ZNF148: variants seen among roughly 807,000 people sequenced by gnomAD.
ZNF148 encodes Beta-Enolase Repressor Factor-1.
A neutral mutation model predicts 67.7 loss-of-function variants in ZNF148; 7 were observed. That is an observed-to-expected ratio of 0.10 (90% confidence interval 0.06 to 0.19). ZNF148 has a LOEUF of 0.19. ZNF148 is among the 10% of genes least tolerant of loss of function. The pLI is 1.00. For missense variants in ZNF148, 583 were observed against 947.1 expected (o/e 0.62, Z 5.05); for synonymous variants, 333 against 330.7 (o/e 1.01, Z -0.08).
chr3:125,306,884 CCCTT>C (rs1179202479), intron 4 of ZNF148, among the ~76,000 whole-genome samples: 1 of 151,966 alleles, frequency 6.6e-6, no homozygotes, highest in Non-Finnish European at 1.5e-5. Context: ...CAACAAAAAA[CCCTT>C]CCCACAAAGA....
chr3:125,308,863 G>A (rs1455814981), intron 4 of ZNF148, among the ~76,000 whole-genome samples: 3 of 152,110 alleles, frequency 2.0e-5, no homozygotes, highest in African/African-American at 4.8e-5. Flanking sequence ...ACAAAAAGGA[G>A]GATGAATAAA....
rs1457773076 is a variant in ZNF148 at position 125,232,927 on chromosome 3, T to C, written c.1799A>G (p.Asn600Ser). The C allele has an allele frequency of 9.9e-6, 16 of 1,613,738 alleles. No homozygotes were observed. The highest frequency in any genetic ancestry group is 1.3e-5 in the Non-Finnish European group (15 of 1,179,818). Reference protein sequence around the residue: ...SSQASSSDKANMLQEYSKFLQ... With the variant: ...SSQASSSDKASMLQEYSKFLQ... ...AAACTTGGAGTATTCCTGCAACATG[T>C]TGGCTTTATCTGATGAGGATGCTTG... is the stretch of plus-strand genomic sequence containing the variant. The change falls in exon 9 of 9, where the codon AAC becomes AGC. Residue 600 changes from asparagine to serine, a missense_variant. Transcript: ENST00000360647. This position sits in a 1 kb window ranked among gnomAD's most constrained non-coding sequence, Gnocchi z 4.2.
intron 1 of ZNF148, among the ~76,000 whole-genome samples, chr3:125,358,566 A>G (rs74909928): frequency 0.035 from 5,389 of 152,296 alleles, 145 homozygotes; most frequent in South Asian, 0.085. Flanking sequence ...CCCTATGGCT[A>G]CAGAAAAATC....
At chr3:125,364,530 T>A (rs1942644807) in intron 1 of ZNF148, among the ~76,000 whole-genome samples, 1 of 152,148 alleles carries the variant, frequency 6.6e-6, no homozygotes, top group Admixed American at 6.5e-5. Context: ...AAACATAACA[T>A]GGATAAAACT....
chr3:125,358,479 C>T (rs1356165714), intron 1 of ZNF148, among the ~76,000 whole-genome samples: 1 of 152,172 alleles, frequency 6.6e-6, no homozygotes, highest in Non-Finnish European at 1.5e-5. Context: ...GTTCTCATTT[C>T]CTCAAAGCTA....
chr3:125,369,724 A>C (rs548036439), intron 1 of ZNF148, among the ~76,000 whole-genome samples: 4 of 152,262 alleles, frequency 2.6e-5, no homozygotes, highest in African/African-American at 9.6e-5. Flanking sequence ...AAGAATGTAA[A>C]TACTACTTTG....
intron 7 of ZNF148, among the ~76,000 whole-genome samples, chr3:125,242,004 C>T (rs574936168): frequency 3.3e-5 from 5 of 152,120 alleles, no homozygotes; most frequent in Non-Finnish European, 7.4e-5. Flanking sequence ...TCATCTTCTG[C>T]GAACTGTCTG....
At chr3:125,359,790 A>C (rs1208465692) in intron 1 of ZNF148, among the ~76,000 whole-genome samples, 2 of 152,220 alleles carry the variant, frequency 1.3e-5, no homozygotes, top group African/African-American at 2.4e-5. Context: ...TAGGTTTCTG[A>C]CATCAGTTAT....
chr3:125,292,370 C>T (rs1343985046), intron 4 of ZNF148: 3 of 152,180 alleles, frequency 2.0e-5, no homozygotes, highest in Non-Finnish European at 2.9e-5. Context: ...TTACATTTCT[C>T]ACTATAAATG....
chr3:125,313,232 T>G (rs1185301697), intron 4 of ZNF148, 76 bp downstream of exon 4: 1 of 1,220,396 alleles, frequency 8.2e-7, no homozygotes, highest in Non-Finnish European at 1.1e-6. Context: ...TTTCTGAAAT[T>G]TCTTCGATGA....
chr3:125,252,218 A>G (rs1405662365), intron 7 of ZNF148, among the ~76,000 whole-genome samples: 1 of 152,188 alleles, frequency 6.6e-6, no homozygotes, highest in Admixed American at 6.5e-5. Context: ...TTTAATGAAC[A>G]AAAGGTCTTA....
chr3:125,274,623 G>T (rs1233434436), intron 7 of ZNF148, among the ~76,000 whole-genome samples: 2 of 152,122 alleles, frequency 1.3e-5, no homozygotes, highest in African/African-American at 4.8e-5. Flanking sequence ...TAAGACACAG[G>T]TTTCTTTATT....
At chr3:125,254,733 C>CTTATATATAAAGACACA (rs1389435801) in intron 7 of ZNF148, among the ~76,000 whole-genome samples, 32 of 152,082 alleles carry the variant, frequency 2.1e-4, no homozygotes, top group African/African-American at 7.7e-4. Flanking sequence ...CCTTACTAAT[C>CTTATATATAAAGACACA]CTTACATATA....
intron 7 of ZNF148, among the ~76,000 whole-genome samples, chr3:125,261,354 C>CCCTA (rs1283831833): frequency 2.0e-5 from 3 of 152,104 alleles, no homozygotes; most frequent in Admixed American, 6.5e-5. Flanking sequence ...TCTAAAGTGA[C>CCCTA]CCTAATTCAC....
intron 5 of ZNF148, among the ~76,000 whole-genome samples, chr3:125,280,679 CA>C (rs10709074): frequency 0.77 from 93,774 of 121,158 alleles, 34,735 homozygotes; most frequent in African/African-American, 0.82. Flanking sequence ...AAACCCATCT[CA>C]AAAAAAAAAA....
chr3:125,230,161 C>T lies in ZNF148; in HGVS notation c.*2180G>A, dbSNP rs533400248. 2 of 152,566 alleles carry T rather than the reference C, an allele frequency of 1.3e-5. No homozygotes were observed. The highest frequency in any genetic ancestry group is 2.1e-4 in the South Asian group (1 of 4,822). 9.5% of individuals were successfully genotyped at this position (152,566 alleles called of 1,614,324 possible). On this transcript the variant is annotated 3_prime_UTR_variant, in exon 9 of 9. Coordinates refer to ENST00000360647, the MANE Select transcript of ZNF148 (RefSeq NM_021964.3). ...GTGATGTTAAAACAACCGAAAAAAACCTCTCCACTGTATCAAAATTGCATC... is the reference window on the plus strand; with the variant it reads ...GTGATGTTAAAACAACCGAAAAAAATCTCTCCACTGTATCAAAATTGCATC...
At chr3:125,314,660 C>G (rs1434371582) in intron 3 of ZNF148, among the ~76,000 whole-genome samples, 1 of 152,202 alleles carries the variant, frequency 6.6e-6, no homozygotes, top group African/African-American at 2.4e-5. Context: ...GCTAATCTTT[C>G]TTCCCTGGTA....
chr3:125,242,229 T>C (rs183494278), intron 7 of ZNF148, among the ~76,000 whole-genome samples: 526 of 152,356 alleles, frequency 3.5e-3, no homozygotes, highest in Non-Finnish European at 5.7e-3. Flanking sequence ...TTATGGATAC[T>C]GGATTTTGAG....
At chr3:125,279,375 G>T in intron 5 of ZNF148, 128 bp from the exon 6 acceptor site, 1 of 798,534 alleles carries the variant, frequency 1.3e-6, no homozygotes, top group Non-Finnish European at 1.8e-6. Flanking sequence ...GTTCTTAAAT[G>T]ATCTTGAAAA....
Sources: gnomAD v4.1 joint callset for allele counts (sites outside exome capture counted in the v4.1 genomes callset) on GRCh38, gnomAD v4.1.1 for gene constraint, Gnocchi (gnomAD v3.1) non-coding constraint, MANE v1.5 for transcripts, NCBI Gene and HGNC (gene_info 2026-07-23, HGNC 2026-07-21) for gene names.